Variants in TSC22D3 observed in about 807,000 individuals in gnomAD.
The protein encoded by TSC22D3 is TSC22 domain family member 3, also known as TSC22 domain family protein 3.
In TSC22D3, 4 loss-of-function variants were observed where a neutral mutation model predicts 11.1. The observed-to-expected ratio is 0.36, with a 90% CI of 0.18 to 0.83. TSC22D3 has a LOEUF of 0.83. Among genes scored for constraint, TSC22D3 ranks in the 40% least tolerant of loss-of-function variants. The pLI is 0.48. For synonymous variants in TSC22D3, 77 were observed against 70.3 expected, an observed-to-expected ratio of 1.10 and a Z score of -0.48; for missense variants, 118 against 159.4, an observed-to-expected ratio of 0.74 and a Z score of 1.40.
At chrX:107,771,811 A>G (rs909159829) in intron 1 of TSC22D3, among the ~76,000 whole-genome samples, 5 of 112,336 alleles carry the variant, frequency 4.5e-5, no homozygotes, top group Non-Finnish European at 1.9e-5. Flanking sequence ...AACAGGCTGC[A>G]TGCCCATTCT....
chrX:107,715,698 G>A (rs1238783723), intron 2 of TSC22D3: 74 of 485,665 alleles, frequency 1.5e-4, no homozygotes, highest in Non-Finnish European at 2.5e-4. Context: ...AGAAAGGAGG[G>A]AGCCCAGGAA....
intron 1 of TSC22D3, among the ~76,000 whole-genome samples, chrX:107,752,103 G>T (rs1209091788): frequency 8.9e-6 from 1 of 112,284 alleles, no homozygotes; most frequent in African/African-American, 3.2e-5. Context: ...CTATAGTTGA[G>T]AGTCCTAAGC....
chrX:107,722,135 A>G, intron 1 of TSC22D3: 1 of 275,812 alleles, frequency 3.6e-6, no homozygotes, highest in Non-Finnish European at 6.4e-6. Flanking sequence ...CAGGGCCCAG[A>G]GCTCCGAATT....
intron 1 of TSC22D3, among the ~76,000 whole-genome samples, chrX:107,751,716 G>A (rs1197674691): frequency 8.9e-6 from 1 of 112,129 alleles, no homozygotes; most frequent in African/African-American, 3.2e-5. Context: ...CTAAACTGGG[G>A]ACTTCACCTA....
intron 1 of TSC22D3, chrX:107,717,151 G>T: frequency 1.3e-6 from 1 of 764,444 alleles, no homozygotes. Flanking sequence ...CCTGTACCGG[G>T]CTTTGTGGCC....
intron 1 of TSC22D3, chrX:107,721,879 G>C (rs960200789): frequency 1.9e-6 from 1 of 518,583 alleles, no homozygotes; most frequent in Admixed American, 2.7e-5. Flanking sequence ...TTCTGAAGAG[G>C]CTGGAGGAAT....
chrX:107,764,890 C>T (rs1159061524), intron 1 of TSC22D3, among the ~76,000 whole-genome samples: 1 of 111,917 alleles, frequency 8.9e-6, no homozygotes, highest in Non-Finnish European at 1.9e-5. Context: ...AGGTGCCTCC[C>T]TACTCCCAGG....
chrX:107,737,403 C>T (rs1438181703), intron 1 of TSC22D3, among the ~76,000 whole-genome samples: 2 of 111,769 alleles, frequency 1.8e-5, no homozygotes, highest in Non-Finnish European at 3.8e-5. Context: ...AGTAAGAGAA[C>T]AACCAGAAAG....
chrX:107,761,729 G>A (rs763157849), intron 1 of TSC22D3, among the ~76,000 whole-genome samples: 1 of 111,938 alleles, frequency 8.9e-6, no homozygotes, highest in South Asian at 3.7e-4. Flanking sequence ...AAGCCTGCCT[G>A]ATCTTGGCAG....
intron 1 of TSC22D3, among the ~76,000 whole-genome samples, chrX:107,749,062 C>T (rs1306240321): frequency 1.8e-5 from 2 of 111,136 alleles, no homozygotes; most frequent in Non-Finnish European, 3.8e-5. Flanking sequence ...AGGTCAGGTG[C>T]GGTGGCTCAT....
chrX:107,764,672 T>C (rs889623753), intron 1 of TSC22D3, among the ~76,000 whole-genome samples: 9 of 111,291 alleles, frequency 8.1e-5, no homozygotes, highest in Non-Finnish European at 1.7e-4. Context: ...CTTGGGTGGA[T>C]TATCTATATA....
intron 1 of TSC22D3, chrX:107,716,785 G>A (rs141614408): frequency 4.1e-6 from 5 of 1,207,101 alleles, no homozygotes; most frequent in Non-Finnish European, 5.6e-6. Context: ...CCACCTCCAT[G>A]GGGGTCTGAT....
intron 1 of TSC22D3, 112 bp from the exon 2 acceptor site, chrX:107,716,062 TC>T: frequency 2.3e-6 from 2 of 872,795 alleles, no homozygotes; most frequent in South Asian, 4.7e-5. Flanking sequence ...TCTCTCTCCT[TC>T]TCGCCTCCCT....
At chrX:107,742,670 G>T (rs758468596) in intron 1 of TSC22D3, among the ~76,000 whole-genome samples, 4 of 111,351 alleles carry the variant, frequency 3.6e-5, no homozygotes, top group Non-Finnish European at 7.6e-5. Flanking sequence ...GGACTTGAAG[G>T]CATCCAAGGT....
intron 1 of TSC22D3, among the ~76,000 whole-genome samples, chrX:107,725,724 C>T (rs1279276686): frequency 9.0e-6 from 1 of 111,700 alleles, no homozygotes; most frequent in Admixed American, 9.5e-5. Context: ...ATTTTTGCCT[C>T]TCTGTTAAGA....
chrX:107,720,196 TAAA>T (rs61196603), intron 1 of TSC22D3, among the ~76,000 whole-genome samples: 21 of 94,833 alleles, frequency 2.2e-4, no homozygotes, highest in African/African-American at 7.6e-4. Context: ...AAGATTTAGT[TAAA>T]AAAAAAAAAA....
At chrX:107,721,705 T>G (rs1390595845) in intron 1 of TSC22D3, among the ~76,000 whole-genome samples, 1 of 111,242 alleles carries the variant, frequency 9.0e-6, no homozygotes, top group Non-Finnish European at 1.9e-5. Context: ...AAGCAAACAC[T>G]GGGTTAGGAG....
Position 107,775,477 on chromosome X carries a change from G to T in TSC22D3, c.-58C>A. The T allele has an allele frequency of 2.9e-6, 3 of 1,018,298 alleles. No homozygotes were observed. The highest frequency in any genetic ancestry group is 4.6e-5 in the South Asian group (2 of 43,868). The allele number at this position is 1,018,298 out of a possible 1,213,427, so 83.9% of individuals were successfully genotyped here. On this transcript the variant is annotated 5_prime_UTR_variant, in exon 1 of 3. Coordinates refer to ENST00000372383, the MANE Select transcript of TSC22D3 (RefSeq NM_198057.3). ...GGTCAGGGGCGGCTGGCAGGTGCGC[G>T]CCCACCGAGCTGGCCTGAGGGGACT...
intron 1 of TSC22D3, among the ~76,000 whole-genome samples, chrX:107,741,106 C>T (rs987529019): frequency 1.8e-5 from 2 of 111,566 alleles, no homozygotes; most frequent in African/African-American, 6.5e-5. Flanking sequence ...TAGACCTCCT[C>T]AGGGATGAGG....
Sources: gnomAD v4.1 joint callset for allele counts (sites outside exome capture counted in the v4.1 genomes callset) on GRCh38, gnomAD v4.1.1 for gene constraint, MANE v1.5 for transcripts, NCBI Gene and HGNC (gene_info 2026-07-23, HGNC 2026-07-21) for gene names.